The following COL25A1 variants were observed in gnomAD, a reference collection of about 807,000 sequenced individuals.
COL25A1 encodes collagen alpha-1(XXV) chain.
A neutral mutation model predicts 128.4 loss-of-function variants in COL25A1; 103 were observed. The observed-to-expected ratio is 0.80, with a 90% CI of 0.68 to 0.94. The LOEUF is 0.94. Among genes scored for constraint, COL25A1 ranks in the 40% least tolerant of loss-of-function variants. The probability of loss-of-function intolerance (pLI) is 0.00; values close to 1 mark genes in which losing one functional copy is unlikely to be tolerated. For synonymous variants in COL25A1, 279 were observed against 277.2 expected (o/e 1.01, Z -0.06); for missense variants, 745 against 840.0 (o/e 0.89, Z 1.40).
rs1449504581 is a variant in COL25A1, at chr4:108,832,982, A to AATAAATAAATAAATAC, written c.1657-550_1657-549insGTATTTATTTATTTAT. ...ACTCCGTCTCAAAAAATAATAAATA[A>AATAAATAAATAAATAC]ATAAATAAATAAATAAATAAAGCAT... is the stretch of plus-strand genomic sequence containing the variant. On this transcript the variant is annotated intron_variant, in intron 31 of 37. Coordinates refer to ENST00000399132, the MANE Select transcript of COL25A1 (RefSeq NM_198721.4). 1.4e-3 allele frequency among the ~76,000 whole-genome samples: 213 copies of AATAAATAAATAAATAC among 151,462 alleles called. 1 individual carries two copies. The highest frequency in any genetic ancestry group is 2.1e-3 in the Non-Finnish European group (141 of 67,822).
At chr4:109,251,010 T>C (rs985009972) in intron 3 of COL25A1, among the ~76,000 whole-genome samples, 3 of 152,334 alleles carry the variant, frequency 2.0e-5, no homozygotes, top group African/African-American at 7.2e-5. Context: ...TGAGTTATGT[T>C]TATATCTTTT....
At chr4:109,121,406 A>G (rs1269556178) in intron 3 of COL25A1, among the ~76,000 whole-genome samples, 3 of 152,144 alleles carry the variant, frequency 2.0e-5, no homozygotes, top group African/African-American at 4.8e-5. Flanking sequence ...TCAAATATAC[A>G]AAGAACTCCT....
At position 108,940,391 on chromosome 4, in the gene COL25A1, T is replaced by C. The variant is rs1647512137; in HGVS notation, c.672+148A>G. On this transcript the variant is annotated intron_variant, in intron 10 of 37. Transcript: ENST00000399132. ...TCCCATCATCTCACTTCCCTCAACC[T>C]ACTCCACTCATCATCCCACTTCCCT... The C allele has an allele frequency of 9.7e-6, 7 of 722,732 alleles. No homozygotes were observed. In the South Asian group the frequency reaches 1.1e-4, roughly 11 times the overall value. The allele number at this position is 722,732 out of a possible 1,614,324, so 44.8% of individuals were successfully genotyped here.
At position 109,173,623 on chromosome 4, in the gene COL25A1, A is replaced by G. The variant is rs62313743; in HGVS notation, c.368-123444T>C. Among the ~76,000 whole-genome samples the G allele has an allele frequency of 3.8e-3, 580 of 152,306 alleles. 1 individual carries two copies. The highest frequency in any genetic ancestry group is 6.4e-3 in the Admixed American group (98 of 15,286). On this transcript the variant is annotated intron_variant, in intron 3 of 37. Coordinates refer to ENST00000399132, the MANE Select transcript of COL25A1 (RefSeq NM_198721.4). Reference sequence around the variant, plus strand: ...ACCAAATGGCAAATCTGAACTGGCAATAATACTAGTGTAAAAGAAATTTAA... The same window carrying G: ...ACCAAATGGCAAATCTGAACTGGCAGTAATACTAGTGTAAAAGAAATTTAA...
At position 108,889,544 on chromosome 4, in the gene COL25A1, A is replaced by G. The variant is rs191704488; in HGVS notation, c.939+157T>C. ...TATTTAAACCTTCATCACATTTCCC[A>G]CAGATATTCCCTATTGTTTTTGGAA... On this transcript the variant is annotated intron_variant, in intron 17 of 37. Coordinates refer to ENST00000399132, the MANE Select transcript of COL25A1 (RefSeq NM_198721.4). Among the ~76,000 whole-genome samples, 3 of 152,090 alleles carry G rather than the reference A, an allele frequency of 2.0e-5. No individual in the cohort carries two copies. The East Asian group carries it at 5.8e-4, about 29-fold the overall frequency.
At chr4:109,207,354 G>C (rs756030475) in intron 3 of COL25A1, among the ~76,000 whole-genome samples, 2 of 152,132 alleles carry the variant, frequency 1.3e-5, no homozygotes, top group Non-Finnish European at 2.9e-5. Flanking sequence ...CATCTTGGCA[G>C]TCTTCCTGGA....
At chr4:109,110,789 G>C (rs1766922180) in intron 3 of COL25A1, among the ~76,000 whole-genome samples, 1 of 152,096 alleles carries the variant, frequency 6.6e-6, no homozygotes, top group African/African-American at 2.4e-5. Context: ...CAACAAATAA[G>C]TTTCCAAAGC....
chr4:109,097,767 G>A (rs997219696), intron 3 of COL25A1, among the ~76,000 whole-genome samples: 1 of 149,462 alleles, frequency 6.7e-6, no homozygotes, highest in Admixed American at 6.7e-5. Flanking sequence ...GGGTTCAGGC[G>A]ATTCTCCTGC....
intron 3 of COL25A1, among the ~76,000 whole-genome samples, chr4:109,121,112 AT>A (rs1768072293): frequency 6.6e-6 from 1 of 152,104 alleles, no homozygotes; most frequent in Non-Finnish European, 1.5e-5. Flanking sequence ...TCTAAGGTTG[AT>A]ATAGAGTGGC....
chr4:108,890,421 T>C (rs1741349309), intron 16 of COL25A1, among the ~76,000 whole-genome samples: 1 of 152,000 alleles, frequency 6.6e-6, no homozygotes, highest in South Asian at 2.1e-4. Context: ...TGAGAATCTG[T>C]TTTTTTATAA....
intron 3 of COL25A1, among the ~76,000 whole-genome samples, chr4:109,200,186 A>G (rs1185770383): frequency 6.6e-6 from 1 of 152,188 alleles, no homozygotes; most frequent in Non-Finnish European, 1.5e-5. Context: ...GTCTTTCTCC[A>G]GCAGCTCCTT....
At chr4:109,013,093 G>A (rs2126049709) in intron 5 of COL25A1, among the ~76,000 whole-genome samples, 1 of 152,312 alleles carries the variant, frequency 6.6e-6, no homozygotes, top group South Asian at 2.1e-4. Flanking sequence ...CTAGCTAAAG[G>A]ATTGTAAATG....
chr4:109,012,889 C>A (rs1281000605), intron 5 of COL25A1, among the ~76,000 whole-genome samples: 1 of 152,242 alleles, frequency 6.6e-6, no homozygotes, highest in Non-Finnish European at 1.5e-5. Context: ...GGCAGCTCCG[C>A]CAGCAGCCCT....
intron 3 of COL25A1, among the ~76,000 whole-genome samples, chr4:109,105,610 T>C (rs545480228): frequency 1.3e-5 from 2 of 152,274 alleles, no homozygotes; most frequent in East Asian, 3.9e-4. Context: ...TTATAATATG[T>C]AATGGAAAGA....
At chr4:108,949,679 G>A (rs58605736) in intron 8 of COL25A1, among the ~76,000 whole-genome samples, 1,536 of 151,988 alleles carry the variant, frequency 0.01, 26 homozygotes, top group African/African-American at 0.035. Context: ...AACTAAAGGC[G>A]TGTGCCACCA....
rs180837043 is a variant in COL25A1, at chr4:109,266,342, A to G, written c.367+34241T>C. Among the ~76,000 whole-genome samples, 68 of 152,320 alleles carry G rather than the reference A, an allele frequency of 4.5e-4. No individual in the cohort carries two copies. The East Asian group carries it at 5.6e-3, about 13-fold the overall frequency. On this transcript the variant is annotated intron_variant, in intron 3 of 37. Transcript: ENST00000399132. ...CAGCTGAGGAAGTGGACAAGCTACA[A>G]TTATTCTCTGGAAACGATGAGGTGA...
chr4:108,956,750 G>C (rs536399434), intron 8 of COL25A1, among the ~76,000 whole-genome samples: 1 of 152,216 alleles, frequency 6.6e-6, no homozygotes, highest in South Asian at 2.1e-4. Context: ...CTTTGGGTGT[G>C]GGAATGATTT....
At chr4:108,946,036 G>A (rs1428870919) in intron 8 of COL25A1, among the ~76,000 whole-genome samples, 1 of 152,160 alleles carries the variant, frequency 6.6e-6, no homozygotes, top group Admixed American at 6.5e-5. Context: ...TAAGAGCTGT[G>A]AAACTACCAT....
At chr4:108,886,362 C>T (rs2125838622) in intron 18 of COL25A1, among the ~76,000 whole-genome samples, 1 of 152,090 alleles carries the variant, frequency 6.6e-6, no homozygotes, top group African/African-American at 2.4e-5. Flanking sequence ...ACCCACAGCC[C>T]ACGGGCCACA....
Sources: gnomAD v4.1 joint callset for allele counts (sites outside exome capture counted in the v4.1 genomes callset) on GRCh38, gnomAD v4.1.1 for gene constraint, MANE v1.5 for transcripts, NCBI Gene and HGNC (gene_info 2026-07-23, HGNC 2026-07-21) for gene names.